SIPA1L1: variants seen among roughly 807,000 people sequenced by gnomAD.
SIPA1L1 encodes the protein signal-induced proliferation-associated 1-like protein 1.
In SIPA1L1, 26 loss-of-function variants were observed where a neutral mutation model predicts 162.7. That is an observed-to-expected ratio of 0.16 (90% CI 0.12 to 0.22). The LOEUF (loss-of-function observed/expected upper bound fraction) is 0.22, where lower values mean the gene tolerates loss of function less well. Among genes scored for constraint, SIPA1L1 ranks in the 10% least tolerant of loss-of-function variants. SIPA1L1 has a pLI of 1.00. For missense variants in SIPA1L1, 1,874 were observed against 2,241.0 expected, an observed-to-expected ratio of 0.84 and a Z score of 3.31; for synonymous variants, 829 against 837.4, an observed-to-expected ratio of 0.99 and a Z score of 0.17.
At chr14:71,578,423 T>G (rs1250271751) in intron 4 of SIPA1L1, among the ~76,000 whole-genome samples, 1 of 152,130 alleles carries the variant, frequency 6.6e-6, no homozygotes, top group African/African-American at 2.4e-5. Flanking sequence ...GGAGATACAG[T>G]TAACCCTTGA....
chr14:71,672,776 A>G (rs2044665931), intron 12 of SIPA1L1, among the ~76,000 whole-genome samples, 154 bp downstream of exon 12: 1 of 152,198 alleles, frequency 6.6e-6, no homozygotes, highest in African/African-American at 2.4e-5. Context: ...CTGACTCAGG[A>G]CGAAGCTCCC....
chr14:71,630,864 A>G (rs1177184618), intron 7 of SIPA1L1, among the ~76,000 whole-genome samples: 2 of 151,176 alleles, frequency 1.3e-5, no homozygotes, highest in Non-Finnish European at 2.9e-5. Flanking sequence ...CCTTTCTTTT[A>G]TATATTATAT....
chr14:71,589,176 A>G lies in SIPA1L1; in HGVS notation c.1304A>G (p.Asn435Ser). Residue 435 changes from asparagine (N) to serine (S), a missense_variant, in exon 5 of 24, where the codon AAT becomes AGT. By Grantham distance (46) the Asn-to-Ser change is conservative (BLOSUM62 1). Coordinates refer to ENST00000381232, the MANE Select transcript of SIPA1L1 (RefSeq NM_001386936.1). ...AGGAAAATCAGCCTTTCAAAATCAA[A>G]TTCTGGCTCCTTTAGTGGATGTGAA... The part of the protein sequence containing the change: ...GERKISLSKS[N>S]SGSFSGCESA... The G allele has an allele frequency of 6.2e-7, 1 of 1,614,114 alleles. No homozygotes were observed. The highest frequency in any genetic ancestry group is 8.5e-7 in the Non-Finnish European group (1 of 1,179,972).
chr14:71,374,833 C>T (rs1031918965), intron 2 of SIPA1L1, among the ~76,000 whole-genome samples: 1 of 151,668 alleles, frequency 6.6e-6, no homozygotes, highest in Non-Finnish European at 1.5e-5. Context: ...GGATTTGGCT[C>T]CTCCTATTTC....
At chr14:71,387,913 G>C (rs117304096) in intron 2 of SIPA1L1, among the ~76,000 whole-genome samples, 2 of 152,306 alleles carry the variant, frequency 1.3e-5, no homozygotes, top group East Asian at 3.9e-4. Context: ...AATTTGTTAT[G>C]CTAAAGATGA....
At chr14:71,728,851 G>C (rs1234187379) in intron 19 of SIPA1L1, among the ~76,000 whole-genome samples, 4 of 152,140 alleles carry the variant, frequency 2.6e-5, no homozygotes, top group Admixed American at 2.0e-4. Context: ...TGCCTTTCAG[G>C]TTGCTATTTT....
At chr14:71,713,571 A>C (rs929998670) in intron 17 of SIPA1L1, among the ~76,000 whole-genome samples, 3 of 152,248 alleles carry the variant, frequency 2.0e-5, no homozygotes. Flanking sequence ...GCCTGCCCAC[A>C]GTTGTCAACA....
rs777274312 is a variant in SIPA1L1 at position 71,733,669 on chromosome 14, A to G, written c.4865A>G (p.Glu1622Gly). 1.1e-5 allele frequency: 18 copies of G among 1,613,532 alleles called. No homozygotes were observed. Among genetic ancestry groups the G allele is most frequent in the Non-Finnish European group, 1.5e-5 (18 of 1,179,902 alleles). ...YTLGMKSLHG[E>G]FSASDSSLTD... is the part of the protein sequence containing the mutation. Reference sequence around the variant, plus strand: ...CATTCCTCCTCCCTTCCCGCAGGAGAGTTCTCAGCCTCGGACAGCTCCCTC... The same window carrying G: ...CATTCCTCCTCCCTTCCCGCAGGAGGGTTCTCAGCCTCGGACAGCTCCCTC... Residue 1622 changes from glutamate to glycine, a missense_variant, in exon 21 of 24, where the codon GAG (glutamate) becomes GGG (glycine). Coordinates refer to ENST00000381232, the MANE Select transcript of SIPA1L1 (RefSeq NM_001386936.1).
At chr14:71,644,804 A>G (rs2042020314) in intron 7 of SIPA1L1, among the ~76,000 whole-genome samples, 1 of 152,186 alleles carries the variant, frequency 6.6e-6, no homozygotes, top group Non-Finnish European at 1.5e-5. Context: ...CTGAAGTAAC[A>G]GGCTCCCCTT....
intron 2 of SIPA1L1, among the ~76,000 whole-genome samples, chr14:71,411,702 A>G (rs2042418187): frequency 6.6e-6 from 1 of 152,216 alleles, no homozygotes; most frequent in Non-Finnish European, 1.5e-5. Flanking sequence ...TGGACTGCCA[A>G]ACCTTCTGGT....
At chr14:71,553,775 T>A (rs1290972618) in intron 4 of SIPA1L1, among the ~76,000 whole-genome samples, 1 of 152,210 alleles carries the variant, frequency 6.6e-6, no homozygotes, top group African/African-American at 2.4e-5. Context: ...TTTTTTTTCA[T>A]ATAGAAAACA....
intron 4 of SIPA1L1, among the ~76,000 whole-genome samples, chr14:71,530,518 T>C (rs781289354): frequency 6.6e-6 from 1 of 152,174 alleles, no homozygotes; most frequent in Non-Finnish European, 1.5e-5. Context: ...TTCCTTGTTT[T>C]TGTTCTTGAA....
chr14:71,468,179 C>T (rs532503005), intron 2 of SIPA1L1, among the ~76,000 whole-genome samples: 1 of 152,072 alleles, frequency 6.6e-6, no homozygotes. Flanking sequence ...GTTCTAGACC[C>T]TCTAAGGCAG....
At chr14:71,364,920 A>C (rs910181979) in intron 2 of SIPA1L1, among the ~76,000 whole-genome samples, 1 of 151,548 alleles carries the variant, frequency 6.6e-6, no homozygotes, top group East Asian at 1.9e-4. Flanking sequence ...TAATTTTTGT[A>C]TTTTTAGTAG....
intron 2 of SIPA1L1, chr14:71,400,990 C>G (rs2041628756): frequency 6.6e-6 from 1 of 152,198 alleles, no homozygotes; most frequent in Admixed American, 6.5e-5. Flanking sequence ...GTTGCACTTA[C>G]TGCAGCAGCC....
chr14:71,716,439 T>C (rs2083277631), intron 17 of SIPA1L1, among the ~76,000 whole-genome samples: 1 of 152,194 alleles, frequency 6.6e-6, no homozygotes, highest in South Asian at 2.1e-4. Context: ...ATACCATCTT[T>C]AGCAGGCCAA....
intron 4 of SIPA1L1, among the ~76,000 whole-genome samples, chr14:71,545,756 T>G (rs1475423083): frequency 6.6e-6 from 1 of 152,166 alleles, no homozygotes; most frequent in Non-Finnish European, 1.5e-5. Context: ...AAAATGGACA[T>G]CTTGCATTAT....
rs374429123 is a variant in SIPA1L1, at chr14:71,375,245, C to T, written c.-465+54064C>T. On this transcript the variant is annotated intron_variant, in intron 2 of 23. Transcript: ENST00000381232. ...CTTGGGGATTCTCTTGGGCTTTTTC[C>T]TTTGGTGGACTTTCTATTTCCTAGA... Among the ~76,000 whole-genome samples, 67 of 152,122 alleles carry T rather than the reference C, an allele frequency of 4.4e-4. 1 individual carries two copies. In the South Asian group the frequency reaches 0.014, roughly 31 times the overall value.
chr14:71,591,251 T>G (rs1009975839), intron 5 of SIPA1L1, among the ~76,000 whole-genome samples: 4 of 152,132 alleles, frequency 2.6e-5, no homozygotes, highest in African/African-American at 9.7e-5. Context: ...TTTCAATCTC[T>G]TGATGCCCAG....
Sources: allele counts gnomAD v4.1 joint callset (sites outside exome capture counted in the v4.1 genomes callset), GRCh38; gene constraint gnomAD v4.1.1; transcripts MANE v1.5; gene names NCBI Gene and HGNC (gene_info 2026-07-23, HGNC 2026-07-21).